The following FSTL5 variants were observed in gnomAD, a reference collection of about 807,000 sequenced individuals.
FSTL5 encodes the protein follistatin-related protein 5.
FSTL5 carries 62 observed loss-of-function variants against 89.1 expected under a neutral mutation model. That is an observed-to-expected ratio of 0.70 (90% CI 0.57 to 0.86). FSTL5 has a LOEUF of 0.86. Ranked by LOEUF, FSTL5 falls within the 40% of genes least tolerant of loss-of-function variation. FSTL5 has a pLI of 0.00. For missense variants in FSTL5, 1,057 were observed against 1,001.6 expected, an observed-to-expected ratio of 1.06 and a Z score of -0.75; for synonymous variants, 383 against 346.2, an observed-to-expected ratio of 1.11 and a Z score of -1.18.
chr4:161,866,465 AGTGTGTGTGTGTGTGTGTGTGTGT>A (rs70937692), intron 4 of FSTL5, among the ~76,000 whole-genome samples: 2 of 131,950 alleles, frequency 1.5e-5, no homozygotes, highest in Non-Finnish European at 3.2e-5. Context: ...TCTAAGCTGT[AGTGTGTGTGTGTGTGTGTGTGTGT>A]GTGTGTGTGT....
intron 3 of FSTL5, among the ~76,000 whole-genome samples, chr4:162,010,022 T>C (rs776089744): frequency 9.9e-5 from 15 of 151,956 alleles, no homozygotes; most frequent in Non-Finnish European, 1.6e-4. Context: ...AGAATTTCCT[T>C]ATCCCCTTGT....
At chr4:161,498,523 TG>T (rs1730172797) in intron 12 of FSTL5, among the ~76,000 whole-genome samples, 1 of 152,172 alleles carries the variant, frequency 6.6e-6, no homozygotes, top group African/African-American at 2.4e-5. Flanking sequence ...GTGATAGTTT[TG>T]TGATGAAGAG....
At chr4:161,935,493 C>T (rs1734406871) in intron 3 of FSTL5, among the ~76,000 whole-genome samples, 1 of 152,062 alleles carries the variant, frequency 6.6e-6, no homozygotes, top group Non-Finnish European at 1.5e-5. Flanking sequence ...TAATTGAATG[C>T]ACTTCCATCA....
chr4:161,603,338 C>T (rs991112665), intron 7 of FSTL5, among the ~76,000 whole-genome samples: 1 of 152,088 alleles, frequency 6.6e-6, no homozygotes, highest in Non-Finnish European at 1.5e-5. Flanking sequence ...AATAGCATTA[C>T]GTTTAAAAAT....
intron 3 of FSTL5, among the ~76,000 whole-genome samples, chr4:161,960,708 ATACT>A (rs1366645955): frequency 1.3e-5 from 2 of 152,106 alleles, no homozygotes; most frequent in Non-Finnish European, 2.9e-5. Context: ...ACTTATGTCA[ATACT>A]TACTATTTAT....
At chr4:162,090,641 T>C (rs948631066) in intron 2 of FSTL5, among the ~76,000 whole-genome samples, 1 of 151,904 alleles carries the variant, frequency 6.6e-6, no homozygotes, top group African/African-American at 2.4e-5. Flanking sequence ...GCCAACAGCG[T>C]GAAATCCCAT....
intron 6 of FSTL5, among the ~76,000 whole-genome samples, chr4:161,711,811 G>A (rs1291080012): frequency 2.0e-5 from 3 of 152,110 alleles, no homozygotes; most frequent in East Asian, 1.9e-4. Context: ...TGAATCTGAG[G>A]TTGGGTCAAC....
At chr4:161,428,903 A>T (rs900655782) in intron 15 of FSTL5, among the ~76,000 whole-genome samples, 16 of 151,912 alleles carry the variant, frequency 1.1e-4, no homozygotes, top group Non-Finnish European at 2.4e-4. Context: ...GCCACAGTGG[A>T]GCAGAGTACC....
At chr4:161,844,219 T>C (rs968408290) in intron 4 of FSTL5, among the ~76,000 whole-genome samples, 1 of 152,098 alleles carries the variant, frequency 6.6e-6, no homozygotes, top group Non-Finnish European at 1.5e-5. Context: ...ATTAGAGAAA[T>C]GCAAATCAAA....
Position 161,776,094 on chromosome 4 carries a change from T to TAA in FSTL5, c.410-21_410-20insTT. On this transcript the variant is annotated intron_variant, in intron 4 of 15. Transcript: ENST00000306100. ...TATCTCCTGTAACAAAAGAACTAGT[T>TAA]ATTTTCAAGCAATATTATTGAAAAG... 1 of 1,254,346 alleles carries TAA rather than the reference T, an allele frequency of 8.0e-7. No homozygotes were observed. Among genetic ancestry groups the TAA allele is most frequent in the South Asian group, 1.7e-5 (1 of 57,598 alleles). 77.7% of individuals were successfully genotyped at this position (1,254,346 alleles called of 1,614,324 possible). A position where few individuals can be genotyped will look rare whatever the true frequency, so the allele number is the denominator to read the frequency against.
At chr4:161,925,360 T>C (rs535647113) in intron 3 of FSTL5, among the ~76,000 whole-genome samples, 15 of 151,932 alleles carry the variant, frequency 9.9e-5, no homozygotes, top group Non-Finnish European at 2.2e-4. Context: ...ATTTACTTTT[T>C]GTTTCATGCT....
At chr4:161,412,529 T>G (rs548785605) in intron 15 of FSTL5, among the ~76,000 whole-genome samples, 19 of 152,050 alleles carry the variant, frequency 1.2e-4, no homozygotes, top group African/African-American at 4.3e-4. Context: ...CGGGATAGCA[T>G]TAGGAGAAAT....
chr4:161,924,397 CTAATA>C (rs1443435810), intron 3 of FSTL5, among the ~76,000 whole-genome samples: 1 of 150,408 alleles, frequency 6.6e-6, no homozygotes, highest in African/African-American at 2.4e-5. Context: ...ATATGTATAT[CTAATA>C]TATCAGCTGA....
chr4:162,055,716 T>C (rs1477169129), intron 2 of FSTL5, among the ~76,000 whole-genome samples: 1 of 151,920 alleles, frequency 6.6e-6, no homozygotes, highest in Non-Finnish European at 1.5e-5. Context: ...GTGGAGAGAT[T>C]TACTATGTAT....
intron 1 of FSTL5, among the ~76,000 whole-genome samples, chr4:162,115,099 G>A (rs1731585197): frequency 6.6e-6 from 1 of 152,110 alleles, no homozygotes; most frequent in Non-Finnish European, 1.5e-5. Flanking sequence ...TTTGAGCTCA[G>A]CAGTGCAGAG....
intron 15 of FSTL5, among the ~76,000 whole-genome samples, chr4:161,423,635 A>G (rs1732064781): frequency 6.6e-6 from 1 of 151,866 alleles, no homozygotes; most frequent in South Asian, 2.1e-4. Flanking sequence ...ATTAGCTTGA[A>G]TTTCCGGAGA....
At chr4:161,767,880 C>A (rs1410015095) in intron 5 of FSTL5, among the ~76,000 whole-genome samples, 2 of 148,642 alleles carry the variant, frequency 1.3e-5, no homozygotes, top group African/African-American at 2.6e-5. Flanking sequence ...AGAAAATAGG[C>A]AATGAAAAAC....
intron 4 of FSTL5, among the ~76,000 whole-genome samples, chr4:161,854,225 G>GA (rs1731649115): frequency 2.0e-5 from 3 of 152,202 alleles, no homozygotes; most frequent in Non-Finnish European, 4.4e-5. Flanking sequence ...ACTGAGGAAA[G>GA]AAAAAAGATG....
chr4:161,681,050 T>C (rs545084694), intron 6 of FSTL5, among the ~76,000 whole-genome samples: 57 of 152,208 alleles, frequency 3.7e-4, no homozygotes, highest in African/African-American at 1.3e-3. Flanking sequence ...AAAGTTCCGT[T>C]ACATGAGCGA....
Sources: gnomAD v4.1 joint callset for allele counts (sites outside exome capture counted in the v4.1 genomes callset) on GRCh38, gnomAD v4.1.1 for gene constraint, MANE v1.5 for transcripts, NCBI Gene and HGNC (gene_info 2026-07-23, HGNC 2026-07-21) for gene names.